LMNTD1: variants seen among roughly 807,000 people sequenced by gnomAD.
LMNTD1 encodes lamin tail domain containing 1, also known as lamin tail domain-containing protein 1.
In LMNTD1, 35 loss-of-function variants were observed where a neutral mutation model predicts 50.9. The observed-to-expected ratio is 0.69, with a 90% confidence interval of 0.53 to 0.91. The LOEUF (loss-of-function observed/expected upper bound fraction) is 0.91. Ranked by LOEUF, LMNTD1 falls within the 40% of genes least tolerant of loss-of-function variation. The probability of loss-of-function intolerance (pLI) is 0.00; values close to 1 mark genes in which losing one functional copy is unlikely to be tolerated. For synonymous variants in LMNTD1, 153 were observed against 161.9 expected, an observed-to-expected ratio of 0.94 and a Z score of 0.42; for missense variants, 470 against 475.5, an observed-to-expected ratio of 0.99 and a Z score of 0.11.
intron 4 of LMNTD1, among the ~76,000 whole-genome samples, chr12:25,527,681 T>TATATATATATATATAC (rs1463259109): frequency 2.5e-4 from 8 of 32,344 alleles, no homozygotes; most frequent in Non-Finnish European, 4.7e-4. Flanking sequence ...TATATATATA[T>TATATATATATATATAC]ACACACACAC....
chr12:25,604,427 C>T (rs1031525264), intron 1 of LMNTD1, among the ~76,000 whole-genome samples: 7 of 151,922 alleles, frequency 4.6e-5, no homozygotes, highest in Non-Finnish European at 7.4e-5. Context: ...ATACATGTGC[C>T]ATGTTGGTGT....
intron 4 of LMNTD1, among the ~76,000 whole-genome samples, chr12:25,537,262 C>T (rs4506742): frequency 0.62 from 94,236 of 152,120 alleles, 30,563 homozygotes; most frequent in Non-Finnish European, 0.71. Context: ...GTAGGCTCCA[C>T]CTCTGGGGGC....
At chr12:25,517,010 A>G (rs1449820132) in intron 8 of LMNTD1, among the ~76,000 whole-genome samples, 2 of 142,734 alleles carry the variant, frequency 1.4e-5, no homozygotes, top group African/African-American at 2.6e-5. Context: ...ACAATGAGAT[A>G]CCATCTCACA....
At chr12:25,530,288 A>T (rs1419150315) in intron 4 of LMNTD1, among the ~76,000 whole-genome samples, 1 of 152,164 alleles carries the variant, frequency 6.6e-6, no homozygotes. Flanking sequence ...AATGTTTCTT[A>T]TGGTATAGTT....
chr12:25,593,666 A>C (rs922141473), intron 1 of LMNTD1, among the ~76,000 whole-genome samples: 1 of 152,088 alleles, frequency 6.6e-6, no homozygotes, highest in Non-Finnish European at 1.5e-5. Context: ...ACCACCTAAA[A>C]ATTACTCTAG....
At chr12:25,547,706 T>C (rs913965301) in intron 3 of LMNTD1, among the ~76,000 whole-genome samples, 1 of 151,832 alleles carries the variant, frequency 6.6e-6, no homozygotes, top group Non-Finnish European at 1.5e-5. Context: ...TAAATTCCTT[T>C]GGGGAAGGAT....
intron 4 of LMNTD1, among the ~76,000 whole-genome samples, chr12:25,539,543 C>T (rs1224581518): frequency 4.0e-5 from 6 of 151,676 alleles, no homozygotes; most frequent in African/African-American, 1.5e-4. Flanking sequence ...AAAGACACAA[C>T]ATGCCAGAAT....
In LMNTD1 at chr12:25,549,565, AT is replaced by A. The variant is rs369510455; in HGVS notation, c.90-20del. The A allele has an allele frequency of 3.2e-5, 41 of 1,289,670 alleles. No homozygotes were observed. The East Asian group carries it at 9.7e-4, about 30-fold the overall frequency. 79.9% of individuals were successfully genotyped at this position (1,289,670 alleles called of 1,614,324 possible). A position where few individuals can be genotyped will look rare whatever the true frequency, so the allele number is the denominator to read the frequency against. On this transcript the variant is annotated intron_variant, in intron 2 of 9. Transcript: ENST00000458174. ...TTCTCTTCTGTGTACAAAAAATATA[AT>A]ATAAATAAATAAATAAGAAAGTAAA...
intron 1 of LMNTD1, among the ~76,000 whole-genome samples, chr12:25,641,370 T>G (rs1171798532): frequency 6.6e-6 from 1 of 152,154 alleles, no homozygotes; most frequent in African/African-American, 2.4e-5. Context: ...GCTGATACAG[T>G]AAGCTACATG....
intron 9 of LMNTD1, among the ~76,000 whole-genome samples, chr12:25,490,704 A>C (rs1251070752): frequency 6.6e-6 from 1 of 152,190 alleles, no homozygotes; most frequent in Non-Finnish European, 1.5e-5. Context: ...TGAGCCAGCA[A>C]TCCTAATTGA....
Position 25,605,396 on chromosome 12 carries a change from T to C in LMNTD1, c.58+43098A>G, listed in dbSNP as rs530680382. Among the ~76,000 whole-genome samples, 5 of 152,306 alleles carry C rather than the reference T, an allele frequency of 3.3e-5. No individual in the cohort carries two copies. In the East Asian group the frequency reaches 9.6e-4, roughly 29 times the overall value. On this transcript the variant is annotated intron_variant, in intron 1 of 7. Coordinates refer to the LMNTD1 transcript ENST00000445693. ...CTTTTGTTGCCATTGCTTTCGGTGT[T>C]TTAAACATGAAGTCCTTGCCCATGC... is the stretch of plus-strand genomic sequence containing the variant.
intron 1 of LMNTD1, among the ~76,000 whole-genome samples, chr12:25,561,151 G>T (rs1049181086): frequency 6.6e-6 from 1 of 151,990 alleles, no homozygotes; most frequent in South Asian, 2.1e-4. Flanking sequence ...CTTCAGTTCT[G>T]CTCTGATCTT....
intron 1 of LMNTD1, among the ~76,000 whole-genome samples, chr12:25,626,624 T>G (rs972691477): frequency 6.6e-6 from 1 of 152,218 alleles, no homozygotes; most frequent in East Asian, 1.9e-4. Flanking sequence ...TGTCCTTTCC[T>G]GAGAAGGGAA....
intron 8 of LMNTD1, among the ~76,000 whole-genome samples, chr12:25,504,414 G>C (rs1939588833): frequency 1.3e-5 from 2 of 152,174 alleles, no homozygotes; most frequent in Admixed American, 1.3e-4. Context: ...ATAATTTCCA[G>C]ATATGAAGCA....
At chr12:25,508,767 G>T (rs1431409549) in intron 8 of LMNTD1, among the ~76,000 whole-genome samples, 2 of 152,104 alleles carry the variant, frequency 1.3e-5, no homozygotes, top group African/African-American at 2.4e-5. Context: ...TTCTTGTCTT[G>T]CTCAGGACCT....
rs116133637 is a variant in LMNTD1, at chr12:25,634,426, A to G, written c.58+14068T>C. On this transcript the variant is annotated intron_variant, in intron 1 of 7. Coordinates refer to the LMNTD1 transcript ENST00000445693. ...GATATCCTTGATGAACATAGATGCT[A>G]AAATCCAAAATACTAGCTAACCAAA... 4.1e-3 allele frequency among the ~76,000 whole-genome samples: 621 copies of G among 152,336 alleles called. 1 individual carries two copies. Among genetic ancestry groups the G allele is most frequent in the African/African-American group, 0.014 (580 of 41,584 alleles).
At chr12:25,536,850 G>A (rs530084169) in intron 4 of LMNTD1, among the ~76,000 whole-genome samples, 1 of 152,384 alleles carries the variant, frequency 6.6e-6, no homozygotes, top group Non-Finnish European at 1.5e-5. Context: ...CAGACAGTGG[G>A]CGCAGGTCAG....
In LMNTD1 at chr12:25,610,443, C is replaced by T. The variant is rs530658564; in HGVS notation, c.58+38051G>A. Among the ~76,000 whole-genome samples the T allele has an allele frequency of 7.0e-4, 107 of 152,206 alleles. 1 individual carries two copies. Among genetic ancestry groups the T allele is most frequent in the African/African-American group, 2.2e-3 (92 of 41,546 alleles). ...ATCAGTCACACTGAGAGCTGCAGAC[C>T]GGAGCTGTTCCTATTTGGCCATCTT... is the stretch of plus-strand genomic sequence containing the variant. On this transcript the variant is annotated intron_variant, in intron 1 of 7. Coordinates refer to the LMNTD1 transcript ENST00000445693.
intron 4 of LMNTD1, among the ~76,000 whole-genome samples, chr12:25,531,679 G>A (rs562133468): frequency 8.4e-4 from 128 of 152,130 alleles, no homozygotes; most frequent in African/African-American, 2.9e-3. Flanking sequence ...TTGGCTTGAT[G>A]TCTTTCATTA....
Sources: allele counts gnomAD v4.1 joint callset (sites outside exome capture counted in the v4.1 genomes callset), GRCh38; gene constraint gnomAD v4.1.1; transcripts MANE v1.5; gene names NCBI Gene and HGNC (gene_info 2026-07-23, HGNC 2026-07-21).